Variants in HPSE2 observed in about 807,000 individuals in gnomAD.
HPSE2 encodes heparanase 2 (inactive), also known as inactive heparanase-2.
A neutral mutation model predicts 60.5 loss-of-function variants in HPSE2; 38 were observed. The ratio of observed to expected loss-of-function variants is 0.63; its 90% CI spans 0.48 to 0.82. The LOEUF (loss-of-function observed/expected upper bound fraction) is 0.82. HPSE2 is among the 40% of genes least tolerant of loss of function. HPSE2 has a pLI of 0.00. For synonymous variants in HPSE2, 295 were observed against 293.2 expected, an observed-to-expected ratio of 1.01 and a Z score of -0.06; for missense variants, 713 against 740.4, an observed-to-expected ratio of 0.96 and a Z score of 0.43.
intron 4 of HPSE2, among the ~76,000 whole-genome samples, chr10:98,726,225 G>A (rs1224804072): frequency 1.3e-5 from 2 of 152,056 alleles, no homozygotes; most frequent in Non-Finnish European, 2.9e-5. Context: ...GCAAAGACTT[G>A]GAACCCACCC....
At chr10:98,945,278 T>C (rs1400291222) in intron 3 of HPSE2, among the ~76,000 whole-genome samples, 1 of 152,170 alleles carries the variant, frequency 6.6e-6, no homozygotes, top group Non-Finnish European at 1.5e-5. Flanking sequence ...AGTTTTATAA[T>C]TCCCCAAGTT....
At chr10:98,543,463 A>G (rs1943547005) in intron 9 of HPSE2, among the ~76,000 whole-genome samples, 1 of 152,192 alleles carries the variant, frequency 6.6e-6, no homozygotes, top group Non-Finnish European at 1.5e-5. Context: ...GACAGGATCA[A>G]ATTCACACAT....
intron 3 of HPSE2, among the ~76,000 whole-genome samples, chr10:98,984,723 C>A (rs1372198451): frequency 6.6e-6 from 1 of 152,056 alleles, no homozygotes; most frequent in Non-Finnish European, 1.5e-5. Flanking sequence ...GAACCCATGG[C>A]AAAGAAGTTA....
intron 3 of HPSE2, among the ~76,000 whole-genome samples, chr10:98,880,476 C>G (rs890908136): frequency 6.6e-5 from 10 of 152,000 alleles, no homozygotes; most frequent in African/African-American, 2.4e-4. Flanking sequence ...CATTTCAGTT[C>G]AGATACTGTT....
intron 9 of HPSE2, among the ~76,000 whole-genome samples, chr10:98,527,877 T>C (rs536758068): frequency 2.6e-5 from 4 of 152,234 alleles, no homozygotes; most frequent in African/African-American, 7.2e-5. Context: ...CTGAATCCCA[T>C]GGTCATTCCT....
At chr10:98,681,742 C>A (rs570920090) in intron 6 of HPSE2, among the ~76,000 whole-genome samples, 2 of 152,028 alleles carry the variant, frequency 1.3e-5, no homozygotes, top group African/African-American at 4.8e-5. Flanking sequence ...TGGGAATCCA[C>A]GTGTCTTCAA....
intron 2 of HPSE2, among the ~76,000 whole-genome samples, chr10:99,231,006 A>G (rs1355792434): frequency 6.6e-6 from 1 of 152,202 alleles, no homozygotes; most frequent in Non-Finnish European, 1.5e-5. Context: ...CTTGCAATCC[A>G]TACTTTCATA....
At chr10:98,559,826 C>G (rs540480942) in intron 9 of HPSE2, among the ~76,000 whole-genome samples, 1 of 152,204 alleles carries the variant, frequency 6.6e-6, no homozygotes, top group East Asian at 1.9e-4. Flanking sequence ...TCTGGAGAGG[C>G]CTTGTGGAAG....
chr10:98,925,031 G>T (rs1954409083), intron 3 of HPSE2, among the ~76,000 whole-genome samples: 1 of 152,176 alleles, frequency 6.6e-6, no homozygotes, highest in African/African-American at 2.4e-5. Flanking sequence ...TCGCCCAGCA[G>T]CTGTGCTCTC....
At chr10:99,222,716 T>C (rs1049523070) in intron 2 of HPSE2, among the ~76,000 whole-genome samples, 5 of 152,210 alleles carry the variant, frequency 3.3e-5, no homozygotes, top group Admixed American at 3.3e-4. Flanking sequence ...CTAGAGAAAC[T>C]ATAAGTCCTT....
intron 9 of HPSE2, among the ~76,000 whole-genome samples, chr10:98,545,881 C>G (rs950065732): frequency 6.6e-6 from 1 of 151,396 alleles, no homozygotes; most frequent in Non-Finnish European, 1.5e-5. Context: ...TTACAGATGA[C>G]ATGATTGTAT....
intron 9 of HPSE2, among the ~76,000 whole-genome samples, chr10:98,583,772 C>A (rs1023563530): frequency 3.9e-5 from 6 of 152,208 alleles, no homozygotes; most frequent in Non-Finnish European, 7.3e-5. Flanking sequence ...TATGTATTCA[C>A]CTATTCTGGA....
chr10:99,151,174 G>A (rs1846247905), intron 2 of HPSE2, among the ~76,000 whole-genome samples: 1 of 151,930 alleles, frequency 6.6e-6, no homozygotes, highest in South Asian at 2.1e-4. Context: ...ATCAGCAAGA[G>A]GGGAATGGTA....
intron 5 of HPSE2, among the ~76,000 whole-genome samples, chr10:98,713,464 A>G (rs547427985): frequency 1.3e-5 from 2 of 151,880 alleles, no homozygotes; most frequent in South Asian, 4.2e-4. Context: ...CGTTTCCTTT[A>G]CTGCCATCAC....
At chr10:98,600,895 A>ATATCTATGTGTGTGTG (rs1945391331) in intron 9 of HPSE2, among the ~76,000 whole-genome samples, 1 of 69,408 alleles carries the variant, frequency 1.4e-5, no homozygotes, top group South Asian at 5.6e-4. Flanking sequence ...ATATATACGT[A>ATATCTATGTGTGTGTG]TATATATGTG....
At chr10:99,051,670 T>C (rs922733879) in intron 3 of HPSE2, among the ~76,000 whole-genome samples, 1 of 152,182 alleles carries the variant, frequency 6.6e-6, no homozygotes, top group African/African-American at 2.4e-5. Context: ...GTTGGAAAGC[T>C]GAAAAGTCTG....
chr10:99,011,443 A>G (rs542262317), intron 3 of HPSE2, among the ~76,000 whole-genome samples: 20 of 152,106 alleles, frequency 1.3e-4, no homozygotes, highest in Non-Finnish European at 2.9e-4. Flanking sequence ...GTTTGGATTA[A>G]CCTTCAGATT....
At chr10:99,284,660 T>C in the HPSE2 span, among the ~76,000 whole-genome samples, 13 of 152,124 alleles carry the variant, frequency 8.5e-5, no homozygotes, top group Non-Finnish European at 1.6e-4. Flanking sequence ...AATAGGTAAA[T>C]GGCATTCATT....
intron 3 of HPSE2, among the ~76,000 whole-genome samples, chr10:98,877,954 A>G (rs538985886): frequency 6.6e-6 from 1 of 152,090 alleles, no homozygotes; most frequent in East Asian, 1.9e-4. Context: ...GTCTAAGAGA[A>G]AAAGGTTAAC....
Sources: allele counts gnomAD v4.1 joint callset (sites outside exome capture counted in the v4.1 genomes callset), GRCh38; gene constraint gnomAD v4.1.1; transcripts MANE v1.5; gene names NCBI Gene and HGNC (gene_info 2026-07-23, HGNC 2026-07-21).